The following IL1RAP variants were observed in gnomAD, a reference collection of about 807,000 sequenced individuals.
The protein encoded by IL1RAP is interleukin-1 receptor accessory protein.
Under a neutral mutation model 60.7 loss-of-function variants are expected in IL1RAP, and 35 were observed. The ratio of observed to expected loss-of-function variants is 0.58; its 90% CI spans 0.44 to 0.76. The LOEUF (loss-of-function observed/expected upper bound fraction) is 0.76. Among genes scored for constraint, IL1RAP ranks in the 30% least tolerant of loss-of-function variants. The probability of loss-of-function intolerance (pLI) is 0.00; values close to 1 mark genes in which losing one functional copy is unlikely to be tolerated. For missense variants in IL1RAP, 572 were observed against 693.9 expected, an observed-to-expected ratio of 0.82 and a Z score of 1.97; for synonymous variants, 268 against 250.9, an observed-to-expected ratio of 1.07 and a Z score of -0.64.
intron 2 of IL1RAP, among the ~76,000 whole-genome samples, chr3:190,559,732 A>C (rs1245166902): frequency 1.3e-5 from 2 of 152,166 alleles, no homozygotes; most frequent in Non-Finnish European, 2.9e-5. Context: ...TTCTATGGGG[A>C]GAGAACATAC....
intron 9 of IL1RAP, among the ~76,000 whole-genome samples, chr3:190,636,198 G>A (rs1733209399): frequency 1.3e-5 from 2 of 152,170 alleles, no homozygotes; most frequent in African/African-American, 4.8e-5. Context: ...TTCGAGTGGT[G>A]TCCAGTAAAT....
chr3:190,637,451 A>AT (rs139340418), intron 9 of IL1RAP, among the ~76,000 whole-genome samples: 3,266 of 152,256 alleles, frequency 0.021, 109 homozygotes, highest in African/African-American at 0.074. Flanking sequence ...TACCATTAAC[A>AT]TTGGTTATCT....
chr3:190,653,293 T>C (rs1382089762), downstream of IL1RAP, among the ~76,000 whole-genome samples: 9 of 152,214 alleles, frequency 5.9e-5, no homozygotes, highest in Non-Finnish European at 1.5e-5. Flanking sequence ...ATTTATGCAA[T>C]GTGTACTGTG....
chr3:190,574,267 A>T lies in IL1RAP; in HGVS notation c.64+9914A>T, dbSNP rs559088977. On this transcript the variant is annotated intron_variant, in intron 3 of 11. Coordinates refer to ENST00000447382, the MANE Select transcript of IL1RAP (RefSeq NM_002182.4). ...ATTTGCTTCAGTCTTCCTGAAACAT[A>T]TACAGTACATTTTAATTGTGTATAT... 2.6e-5 allele frequency among the ~76,000 whole-genome samples: 4 copies of T among 152,240 alleles called. No individual in the cohort carries two copies. In the East Asian group the frequency reaches 5.8e-4, roughly 22 times the overall value.
At chr3:190,520,255 G>A (rs748486680) in intron 1 of IL1RAP, among the ~76,000 whole-genome samples, 3 of 152,130 alleles carry the variant, frequency 2.0e-5, no homozygotes, top group South Asian at 2.1e-4. Context: ...AAAATTGAAC[G>A]GATGATGGGT....
At chr3:190,596,548 T>G (rs1729396342) in intron 3 of IL1RAP, among the ~76,000 whole-genome samples, 1 of 152,196 alleles carries the variant, frequency 6.6e-6, no homozygotes, top group Middle Eastern at 3.2e-3. Flanking sequence ...GTGACTTGGC[T>G]TTGCAAAGCT....
chr3:190,533,928 C>A (rs899616615), intron 1 of IL1RAP, among the ~76,000 whole-genome samples: 6 of 151,970 alleles, frequency 3.9e-5, no homozygotes, highest in African/African-American at 1.5e-4. Flanking sequence ...GCTTGCAGGC[C>A]AGGAGGTCAG....
chr3:190,594,086 C>T (rs115420717), intron 3 of IL1RAP, among the ~76,000 whole-genome samples: 2,763 of 152,244 alleles, frequency 0.018, 91 homozygotes, highest in African/African-American at 0.063. Flanking sequence ...CATAAGTAGA[C>T]ATGTAAAATA....
intron 9 of IL1RAP, among the ~76,000 whole-genome samples, chr3:190,633,418 G>T (rs113789448): frequency 2.0e-5 from 3 of 151,944 alleles, no homozygotes; most frequent in African/African-American, 4.8e-5. Context: ...GTGCAGTGGC[G>T]TGATCTCGGC....
chr3:190,609,305 G>C, intron 5 of IL1RAP, 124 bp downstream of exon 5: 1 of 617,514 alleles, frequency 1.6e-6, no homozygotes, highest in Non-Finnish European at 2.6e-6. Flanking sequence ...TTCCGTAATA[G>C]CTTTATGGAA....
chr3:190,628,585 T>A (rs901488094), intron 8 of IL1RAP, among the ~76,000 whole-genome samples: 1 of 152,202 alleles, frequency 6.6e-6, no homozygotes, highest in Admixed American at 6.5e-5. Context: ...AATTCTGATC[T>A]TGGACCCAAA....
chr3:190,607,096 CA>C (rs1295448597), intron 4 of IL1RAP, among the ~76,000 whole-genome samples: 2 of 152,104 alleles, frequency 1.3e-5, no homozygotes, highest in Non-Finnish European at 2.9e-5. Context: ...AGCGTTGTCA[CA>C]AGTCATCTTT....
exon 12 of IL1RAP, chr3:190,659,463 C>T (rs1256503334): frequency 6.6e-6 from 1 of 152,070 alleles, no homozygotes; most frequent in Non-Finnish European, 1.5e-5. Flanking sequence ...TATTTCTTGA[C>T]CTGACATGCC....
chr3:190,562,898 A>G (rs1473696748), intron 2 of IL1RAP, among the ~76,000 whole-genome samples: 2 of 152,148 alleles, frequency 1.3e-5, no homozygotes, highest in Non-Finnish European at 1.5e-5. Context: ...TGGGAAGAAA[A>G]CATCATTTAA....
chr3:190,582,517 C>T (rs900781562), intron 3 of IL1RAP, among the ~76,000 whole-genome samples: 1 of 152,038 alleles, frequency 6.6e-6, no homozygotes, highest in Non-Finnish European at 1.5e-5. Context: ...AAGGTTTCAC[C>T]ATGTTGGTCA....
In IL1RAP at chr3:190,526,232, G is replaced by A. The variant is rs969687251; in HGVS notation, c.-89+12013G>A. On this transcript the variant is annotated intron_variant, in intron 1 of 11. Transcript: ENST00000447382. ...TTGAAGTCTCGGAATAACCGTATGT[G>A]GCAGGTGAAGTTATAATCACCATTT... 9.9e-5 allele frequency among the ~76,000 whole-genome samples: 15 copies of A among 152,256 alleles called. No individual in the cohort carries two copies. In the East Asian group the frequency reaches 2.5e-3, roughly 25 times the overall value.
intron 3 of IL1RAP, among the ~76,000 whole-genome samples, chr3:190,588,217 G>A (rs192718757): frequency 6.6e-5 from 10 of 152,200 alleles, no homozygotes; most frequent in Admixed American, 2.6e-4. Flanking sequence ...GGGTTCAAGC[G>A]ATTCTCCTGC....
chr3:190,564,457 G>A (rs1577603925), intron 3 of IL1RAP, 104 bp downstream of exon 3: 3 of 784,658 alleles, frequency 3.8e-6, no homozygotes, highest in Non-Finnish European at 6.8e-6. Context: ...TGTTATTCAT[G>A]TCCATTGTCT....
chr3:190,519,812 A>G (rs1188215971), intron 1 of IL1RAP, among the ~76,000 whole-genome samples: 1 of 152,016 alleles, frequency 6.6e-6, no homozygotes, highest in African/African-American at 2.4e-5. Flanking sequence ...GTTTTTGTTC[A>G]TCCCCATTGG....
Sources: allele counts gnomAD v4.1 joint callset (sites outside exome capture counted in the v4.1 genomes callset), GRCh38; gene constraint gnomAD v4.1.1; transcripts MANE v1.5; gene names NCBI Gene and HGNC (gene_info 2026-07-23, HGNC 2026-07-21).